The following CCDC6 variants were observed in gnomAD, a reference collection of about 807,000 sequenced individuals.
The protein encoded by CCDC6 is coiled-coil domain containing 6.
Under a neutral mutation model 56.6 loss-of-function variants are expected in CCDC6, and 20 were observed. That is an observed-to-expected ratio of 0.35 (90% confidence interval 0.25 to 0.51). The LOEUF is 0.51. Among genes scored for constraint, CCDC6 ranks in the 20% least tolerant of loss-of-function variants. CCDC6 has a pLI of 0.95. For missense variants in CCDC6, 367 were observed against 601.1 expected, an observed-to-expected ratio of 0.61 and a Z score of 4.07; for synonymous variants, 241 against 234.4, an observed-to-expected ratio of 1.03 and a Z score of -0.26.
At chr10:59,805,905 A>G (rs112363751) in intron 6 of CCDC6, among the ~76,000 whole-genome samples, 2,535 of 152,304 alleles carry the variant, frequency 0.017, 60 homozygotes, top group African/African-American at 0.046. Flanking sequence ...CCATTCCATA[A>G]TAGAAACAGA....
At chr10:59,839,289 C>T (rs1349291216) in intron 2 of CCDC6, among the ~76,000 whole-genome samples, 1 of 152,238 alleles carries the variant, frequency 6.6e-6, no homozygotes, top group East Asian at 1.9e-4. Flanking sequence ...GGTACATTCT[C>T]AATCACTCTT....
chr10:59,850,453 T>C (rs537231873), intron 2 of CCDC6, among the ~76,000 whole-genome samples: 2 of 152,264 alleles, frequency 1.3e-5, no homozygotes, highest in South Asian at 4.2e-4. Context: ...ATTCTACAAG[T>C]TGAATCACCA....
intron 1 of CCDC6, among the ~76,000 whole-genome samples, chr10:59,871,599 C>T (rs1251932267): frequency 6.6e-6 from 1 of 151,874 alleles, no homozygotes; most frequent in Non-Finnish European, 1.5e-5. Context: ...GAGCCTGGAG[C>T]AGATAAAAAG....
At chr10:59,830,408 C>T (rs892715198) in intron 3 of CCDC6, among the ~76,000 whole-genome samples, 5 of 152,028 alleles carry the variant, frequency 3.3e-5, no homozygotes, top group Non-Finnish European at 7.4e-5. Context: ...ACCAAACATG[C>T]CCCCTAAATG....
At chr10:59,833,639 CT>C (rs1418129938) in intron 2 of CCDC6, among the ~76,000 whole-genome samples, 1 of 6,906 alleles carries the variant, frequency 1.4e-4, no homozygotes, top group African/African-American at 4.4e-4. Flanking sequence ...ACACTCTCAA[CT>C]GGGGGGGGGG....
chr10:59,862,500 A>ATTATATATATATAT (rs1311584688), intron 1 of CCDC6, among the ~76,000 whole-genome samples: 4 of 99,250 alleles, frequency 4.0e-5, no homozygotes, highest in Non-Finnish European at 5.6e-5. Context: ...GAAAAAAAAA[A>ATTATATATATATAT]GTATATATAT....
rs2070471935 is a variant in CCDC6 at position 59,792,023 on chromosome 10, A to G, written c.*894T>C. On this transcript the variant is annotated 3_prime_UTR_variant, in exon 9 of 9. Coordinates refer to ENST00000263102, the MANE Select transcript of CCDC6 (RefSeq NM_005436.5). Reference sequence around the variant, plus strand: ...CCTTTAAAATATTTGTTCAAACTCTATTTTAAGAGAACACAAATGAAGTAC... The same window carrying G: ...CCTTTAAAATATTTGTTCAAACTCTGTTTTAAGAGAACACAAATGAAGTAC... 1 of 223,996 alleles carries G rather than the reference A, an allele frequency of 4.5e-6. No homozygotes were observed. The highest frequency in any genetic ancestry group is 2.2e-5 in the African/African-American group (1 of 44,822). 13.9% of individuals were successfully genotyped at this position (223,996 alleles called of 1,614,324 possible).
chr10:59,852,523 G>C, intron 2 of CCDC6, 30 bp downstream of exon 2: 1 of 1,533,720 alleles, frequency 6.5e-7, no homozygotes, highest in African/African-American at 1.4e-5. Context: ...AATAGGCAGG[G>C]AAGATGAGGG....
At chr10:59,831,057 G>C (rs1388013715) in intron 3 of CCDC6, among the ~76,000 whole-genome samples, 2 of 152,104 alleles carry the variant, frequency 1.3e-5, no homozygotes, top group Non-Finnish European at 2.9e-5. Flanking sequence ...ACAAATCTTC[G>C]AAGCTTACCT....
At chr10:59,845,359 T>G (rs919619976) in intron 2 of CCDC6, among the ~76,000 whole-genome samples, 1 of 149,628 alleles carries the variant, frequency 6.7e-6, no homozygotes, top group East Asian at 1.9e-4. Context: ...TTTTTTTTTT[T>G]TTTTTTTTTT....
chr10:59,818,847 T>C (rs1385547520), intron 3 of CCDC6, among the ~76,000 whole-genome samples: 1 of 152,056 alleles, frequency 6.6e-6, no homozygotes, highest in Non-Finnish European at 1.5e-5. Context: ...TACAAACACA[T>C]GAAAATCAAT....
intron 1 of CCDC6, among the ~76,000 whole-genome samples, chr10:59,867,912 T>C (rs981539277): frequency 1.3e-5 from 2 of 152,120 alleles, no homozygotes; most frequent in Non-Finnish European, 2.9e-5. Context: ...GCCCCCACTT[T>C]GAGTTGTCCT....
rs147207854 is a variant in CCDC6, at chr10:59,862,861, G to A, written c.304-10159C>T. Among the ~76,000 whole-genome samples, 578 of 152,184 alleles carry A rather than the reference G, an allele frequency of 3.8e-3. 3 individuals carry two copies. Among genetic ancestry groups the A allele is most frequent in the African/African-American group, 0.013 (538 of 41,498 alleles). On this transcript the variant is annotated intron_variant, in intron 1 of 8. Coordinates refer to ENST00000263102, the MANE Select transcript of CCDC6 (RefSeq NM_005436.5). ...ACTAAATATTTTTGTACTCTACTAT[G>A]TAGCAATTCTACTACGAGGTATATG...
intron 8 of CCDC6, 85 bp downstream of exon 8, chr10:59,794,388 T>C: frequency 7.1e-7 from 1 of 1,408,622 alleles, no homozygotes; most frequent in South Asian, 1.2e-5. Context: ...GGCAAATGTC[T>C]AAGGGCACCG....
chr10:59,892,268 A>C (rs941442211), intron 1 of CCDC6, among the ~76,000 whole-genome samples: 5 of 152,188 alleles, frequency 3.3e-5, no homozygotes, highest in African/African-American at 4.8e-5. Flanking sequence ...TTTTTTAAAA[A>C]ACACAATGGA....
At chr10:59,889,580 C>T (rs1019548253) in intron 1 of CCDC6, among the ~76,000 whole-genome samples, 1 of 152,188 alleles carries the variant, frequency 6.6e-6, no homozygotes, top group African/African-American at 2.4e-5. Context: ...GTCTGTCTGG[C>T]CCAAGATGCC....
intron 1 of CCDC6, among the ~76,000 whole-genome samples, chr10:59,892,215 A>C (rs2071427176): frequency 6.6e-6 from 1 of 152,276 alleles, no homozygotes; most frequent in Non-Finnish European, 1.5e-5. Context: ...CAGTTTTGAC[A>C]GTCTTCTGTC....
At chr10:59,830,474 C>T (rs2070826053) in intron 3 of CCDC6, among the ~76,000 whole-genome samples, 1 of 152,084 alleles carries the variant, frequency 6.6e-6, no homozygotes, top group Non-Finnish European at 1.5e-5. Context: ...CAGTCACACC[C>T]AAAGCAAAGT....
intron 1 of CCDC6, among the ~76,000 whole-genome samples, chr10:59,874,934 T>C (rs1455905947): frequency 6.6e-6 from 1 of 152,214 alleles, no homozygotes; most frequent in East Asian, 1.9e-4. Context: ...ACTTCTAACC[T>C]ATACAACTAT....
Sources: allele counts gnomAD v4.1 joint callset (sites outside exome capture counted in the v4.1 genomes callset), GRCh38; gene constraint gnomAD v4.1.1; transcripts MANE v1.5; gene names NCBI Gene and HGNC (gene_info 2026-07-23, HGNC 2026-07-21).